RPAP3: variants seen among roughly 807,000 people sequenced by gnomAD.
RPAP3 encodes RNA polymerase II-associated protein 3.
A neutral mutation model predicts 88.8 loss-of-function variants in RPAP3; 58 were observed. That is an observed-to-expected ratio of 0.65 (90% CI 0.53 to 0.81). The LOEUF is 0.81. Ranked by LOEUF, RPAP3 falls within the 40% of genes least tolerant of loss-of-function variation. RPAP3 has a pLI of 0.00. For synonymous variants in RPAP3, 255 were observed against 259.9 expected (o/e 0.98, Z 0.18); for missense variants, 751 against 764.3 (o/e 0.98, Z 0.20).
At chr12:47,703,872 A>G (rs146494801) in intron 1 of RPAP3, among the ~76,000 whole-genome samples, 1,785 of 152,304 alleles carry the variant, frequency 0.012, 35 homozygotes, top group African/African-American at 0.041. Flanking sequence ...AGAACAGAGA[A>G]AGACTCAAAC....
At chr12:47,664,587 T>C (rs891085046) in intron 16 of RPAP3, 4 of 152,196 alleles carry the variant, frequency 2.6e-5, no homozygotes, top group South Asian at 2.1e-4. Flanking sequence ...ATTTACTGAA[T>C]ACCTGGTTGC....
At chr12:47,696,510 AT>A (rs770179662) in intron 4 of RPAP3, 107 bp from the exon 5 acceptor site, 12 of 662,866 alleles carry the variant, frequency 1.8e-5, no homozygotes, top group Non-Finnish European at 2.7e-5. Flanking sequence ...TTAAATGTAG[AT>A]TTTTTTCAAT....
At chr12:47,691,602 T>C (rs1939430839) in intron 5 of RPAP3, among the ~76,000 whole-genome samples, 1 of 152,172 alleles carries the variant, frequency 6.6e-6, no homozygotes, top group Non-Finnish European at 1.5e-5. Flanking sequence ...AGAATTGAAA[T>C]TGAAAATGAC....
intron 5 of RPAP3, among the ~76,000 whole-genome samples, chr12:47,690,948 T>A (rs1939416246): frequency 6.6e-6 from 1 of 152,216 alleles, no homozygotes; most frequent in African/African-American, 2.4e-5. Context: ...GTGCAAAAGC[T>A]TTATGTCTAA....
Position 47,691,520 on chromosome 12 carries a change from T to C in RPAP3, c.546-881A>G, listed in dbSNP as rs115413194. ...TAATCCTTTCCAGGTTTCAATCTACTTTGTCCAGATCCACTAGAGGAATCA... is the reference window on the plus strand; with the variant it reads ...TAATCCTTTCCAGGTTTCAATCTACCTTGTCCAGATCCACTAGAGGAATCA... On this transcript the variant is annotated intron_variant, in intron 5 of 16. Transcript: ENST00000005386. 8.1e-3 allele frequency among the ~76,000 whole-genome samples: 1,239 copies of C among 152,332 alleles called. 11 individuals are homozygous for C. The highest frequency in any genetic ancestry group is 0.029 in the African/African-American group (1,192 of 41,568).
At chr12:47,704,602 T>A (rs1221388025) in intron 1 of RPAP3, among the ~76,000 whole-genome samples, 1 of 151,594 alleles carries the variant, frequency 6.6e-6, no homozygotes, top group Non-Finnish European at 1.5e-5. Flanking sequence ...GGTCTCGAAC[T>A]CCTGACCTCA....
intron 8 of RPAP3, among the ~76,000 whole-genome samples, chr12:47,687,663 T>G (rs73300658): frequency 0.033 from 5,062 of 152,184 alleles, 284 homozygotes; most frequent in African/African-American, 0.11. Context: ...TAAACTTAAG[T>G]GTTTCTATAG....
At chr12:47,667,632 T>G in intron 15 of RPAP3, 122 bp downstream of exon 15, 1 of 565,570 alleles carries the variant, frequency 1.8e-6, no homozygotes, top group Non-Finnish European at 3.1e-6. Flanking sequence ...CATAGGCCAA[T>G]TGACATAAAC....
intron 2 of RPAP3, 136 bp downstream of exon 2, chr12:47,702,552 C>T (rs1425475680): frequency 1.3e-6 from 1 of 744,798 alleles, no homozygotes. Flanking sequence ...GACTCCATCA[C>T]AAAAAAAAAG....
intron 10 of RPAP3, among the ~76,000 whole-genome samples, chr12:47,681,121 A>G (rs1939215053): frequency 6.6e-6 from 1 of 152,144 alleles, no homozygotes; most frequent in Admixed American, 6.6e-5. Flanking sequence ...ATTAGTTAGC[A>G]AGAAGAGATA....
intron 8 of RPAP3, among the ~76,000 whole-genome samples, chr12:47,687,608 T>C (rs1374755599): frequency 6.6e-6 from 1 of 152,182 alleles, no homozygotes; most frequent in East Asian, 1.9e-4. Flanking sequence ...GTTAAATTTA[T>C]AACTATGTAT....
rs1939333776 is a variant in RPAP3, at chr12:47,686,802, T to C, written c.970A>G (p.Met324Val). The C allele has an allele frequency of 6.2e-7, 1 of 1,600,824 alleles. No homozygotes were observed. The highest frequency in any genetic ancestry group is 8.5e-7 in the Non-Finnish European group (1 of 1,175,078). Residue 324 changes from methionine to valine, a missense_variant, in exon 9 of 17, where the codon ATG becomes GTG. Coordinates refer to ENST00000005386, the MANE Select transcript of RPAP3 (RefSeq NM_024604.3). The stretch of plus-strand genomic sequence containing the variant: ...TACTTCTGAATCTTCAGATAGGCCA[T>C]AGCTCTGTTAGCTGGAAGAAGGGCA... ...ANALLPANRA[M>V]AYLKIQKYEE...
intron 5 of RPAP3, among the ~76,000 whole-genome samples, chr12:47,692,098 T>G (rs1024242819): frequency 5.9e-5 from 9 of 152,214 alleles, no homozygotes; most frequent in African/African-American, 2.2e-4. Context: ...ACTTTGTTGT[T>G]TTACTTATAG....
chr12:47,669,010 G>A lies in RPAP3; in HGVS notation c.1619C>T (p.Thr540Ile), dbSNP rs773632539. The change falls in exon 14 of 17, where the codon ACT becomes ATT. Residue 540 changes from threonine (T) to isoleucine (I), a missense_variant. By Grantham distance (89) the Thr-to-Ile change is moderately conservative (BLOSUM62 -1). Transcript: ENST00000005386. ...GTTTGCAGGAATTGGAGGAAGAACA[G>A]TTGTGGCAAACTGAGCAGGTTTTTG... ...IEQKPAQFAT[T>I]VLPPIPANSF... The A allele has an allele frequency of 1.2e-6, 2 of 1,613,720 alleles. No individual in the cohort carries two copies. Among genetic ancestry groups the A allele is most frequent in the African/African-American group, 2.7e-5 (2 of 74,914 alleles).
At position 47,672,880 on chromosome 12, in the gene RPAP3, G is replaced by C. The variant is rs185866718; in HGVS notation, c.1288-2535C>G. Among the ~76,000 whole-genome samples, 70 of 152,164 alleles carry C rather than the reference G, an allele frequency of 4.6e-4. No individual in the cohort carries two copies. The East Asian group carries it at 6.2e-3, about 13-fold the overall frequency. ...AACATATTTGTAAAAGCTACTTATG[G>C]TATATTAGTCATGGGATATTACACA... On this transcript the variant is annotated intron_variant, in intron 12 of 16. Coordinates refer to ENST00000005386, the MANE Select transcript of RPAP3 (RefSeq NM_024604.3).
rs1380968182 is a variant in RPAP3, at chr12:47,662,608, A to G, written c.*897T>C. 1 of 152,198 alleles carries G rather than the reference A, an allele frequency of 6.6e-6. No individual in the cohort carries two copies. The highest frequency in any genetic ancestry group is 1.5e-5 in the Non-Finnish European group (1 of 68,044). The allele number at this position is 152,198 out of a possible 1,614,324, so 9.4% of individuals were successfully genotyped here. Reference sequence around the variant, plus strand: ...TTTACCAGTGCTTACACCATGCCCAAAAATTTGCTAGGCTGCTACTTTAAA... The same window carrying G: ...TTTACCAGTGCTTACACCATGCCCAGAAATTTGCTAGGCTGCTACTTTAAA... On this transcript the variant is annotated 3_prime_UTR_variant, in exon 17 of 17. Transcript: ENST00000005386.
At position 47,679,493 on chromosome 12, in the gene RPAP3, AG is replaced by A; in HGVS notation, c.1286del (p.Thr429IlefsTer15). 1.9e-6 allele frequency: 3 copies of A among 1,583,110 alleles called. No individual in the cohort carries two copies. Among genetic ancestry groups the A allele is most frequent in the Non-Finnish European group, 2.6e-6 (3 of 1,157,126 alleles). On this transcript the variant is annotated frameshift_variant and splice_region_variant, in exon 12 of 17. Transcript: ENST00000005386. LOFTEE classifies it high-confidence loss of function. The part of the protein sequence containing the change: ...PIDNPPHPGS[T>X]KPLKKVIIEE... Reference sequence around the variant, plus strand: ...GAAAAAATGAAAGTGCTTTACTTACAGTTGATCCAGGATGCGGTGGATTATC... The same window carrying A: ...GAAAAAATGAAAGTGCTTTACTTACATTGATCCAGGATGCGGTGGATTATC...
chr12:47,704,039 G>C (rs756288982), intron 1 of RPAP3, among the ~76,000 whole-genome samples: 40 of 152,298 alleles, frequency 2.6e-4, no homozygotes, highest in Non-Finnish European at 5.0e-4. Flanking sequence ...GTGCTAATGG[G>C]GCGAAGAGAT....
At chr12:47,671,622 ATTAAG>A (rs1230722028) in intron 12 of RPAP3, among the ~76,000 whole-genome samples, 5 of 152,234 alleles carry the variant, frequency 3.3e-5, no homozygotes, top group Admixed American at 6.5e-5. Flanking sequence ...GAATAATCAT[ATTAAG>A]TTAAGGCCTA....
Sources: gnomAD v4.1 joint callset for allele counts (sites outside exome capture counted in the v4.1 genomes callset) on GRCh38, gnomAD v4.1.1 for gene constraint, MANE v1.5 for transcripts, NCBI Gene and HGNC (gene_info 2026-07-23, HGNC 2026-07-21) for gene names.